Variants in NFIA observed in about 807,000 individuals in gnomAD.
NFIA encodes nuclear factor 1 A-type.
In NFIA, 8 loss-of-function variants were observed where a neutral mutation model predicts 62.8. The ratio of observed to expected loss-of-function variants is 0.13; its 90% CI spans 0.07 to 0.23. NFIA has a LOEUF of 0.23. Among genes scored for constraint, NFIA ranks in the 10% least tolerant of loss-of-function variants. NFIA has a pLI of 1.00. For synonymous variants in NFIA, 235 were observed against 238.1 expected (o/e 0.99, Z 0.12); for missense variants, 410 against 642.1 (o/e 0.64, Z 3.91).
intron 2 of NFIA, among the ~76,000 whole-genome samples, chr1:61,239,903 T>C (rs1015602392): frequency 1.3e-5 from 2 of 152,130 alleles, no homozygotes; most frequent in South Asian, 2.1e-4. Context: ...ATATCATTCA[T>C]GTCTTTCATT....
At chr1:61,210,336 GT>G (rs1421230629) in intron 2 of NFIA, among the ~76,000 whole-genome samples, 22 of 152,098 alleles carry the variant, frequency 1.4e-4, no homozygotes, top group African/African-American at 5.3e-4. Context: ...TGGTATTCCT[GT>G]TTTCAGAAAA....
rs1303184667 is a variant in NFIA at position 61,395,288 on chromosome 1, G to GT, written c.1076-8801dup. On this transcript the variant is annotated intron_variant, in intron 7 of 10. Coordinates refer to ENST00000403491, the MANE Select transcript of NFIA (RefSeq NM_001134673.4). ...CTGCTTATTTTCTGTGTGTGTGTGT[G>GT]TTTTTTTTTTTTTTTAATGCAGGAA... Among the ~76,000 whole-genome samples, 425 of 135,642 alleles carry GT rather than the reference G, an allele frequency of 3.1e-3. 1 individual carries two copies. Among genetic ancestry groups the GT allele is most frequent in the South Asian group, 0.01 (45 of 4,292 alleles). 89.0% of individuals were successfully genotyped at this position (135,642 alleles called of 152,430 possible). A position where few individuals can be genotyped will look rare whatever the true frequency, so the allele number is the denominator to read the frequency against.
chr1:61,276,358 T>A (rs1215581599), intron 2 of NFIA, among the ~76,000 whole-genome samples: 1 of 152,210 alleles, frequency 6.6e-6, no homozygotes, highest in Non-Finnish European at 1.5e-5. Flanking sequence ...ATAACTCAGT[T>A]GCTATAGAAG....
chr1:61,164,516 G>T (rs1377655466), intron 2 of NFIA, among the ~76,000 whole-genome samples: 1 of 152,054 alleles, frequency 6.6e-6, no homozygotes, highest in Non-Finnish European at 1.5e-5. Flanking sequence ...CTGGAGTGCA[G>T]TGGCGTGATC....
intron 2 of NFIA, among the ~76,000 whole-genome samples, chr1:61,126,462 A>ACT (rs1553153078): frequency 2.5e-3 from 361 of 145,924 alleles, no homozygotes; most frequent in African/African-American, 8.7e-3. Flanking sequence ...ACACACACAC[A>ACT]CACACACACA....
chr1:61,388,206 T>C (rs1375020783), intron 7 of NFIA, among the ~76,000 whole-genome samples: 2 of 152,314 alleles, frequency 1.3e-5, no homozygotes, highest in East Asian at 1.9e-4. Flanking sequence ...GGGGAAGATA[T>C]TAAATTTCAG....
intron 10 of NFIA, among the ~76,000 whole-genome samples, chr1:61,430,326 A>T (rs959572087): frequency 6.6e-6 from 1 of 152,244 alleles, no homozygotes; most frequent in Non-Finnish European, 1.5e-5. Context: ...TTTTCTTATT[A>T]TATTCATAAT....
upstream of NFIA, chr1:61,077,230 G>A (rs1272743885): frequency 2.7e-5 from 5 of 184,044 alleles, no homozygotes; most frequent in East Asian, 6.8e-4. Context: ...AGTTGGGAGA[G>A]GAGAGAGGGA....
intron 6 of NFIA, among the ~76,000 whole-genome samples, chr1:61,376,755 G>T (rs543679060): frequency 2.4e-4 from 36 of 152,126 alleles, no homozygotes; most frequent in African/African-American, 8.2e-4. Flanking sequence ...CTACATGAGG[G>T]TTTTATAAAA....
chr1:61,158,576 T>G (rs1417677424), intron 2 of NFIA, among the ~76,000 whole-genome samples: 2 of 152,244 alleles, frequency 1.3e-5, no homozygotes, highest in Non-Finnish European at 2.9e-5. Flanking sequence ...AAGTGCACTG[T>G]CTCAGTATTC....
Position 61,385,077 on chromosome 1 carries a change from C to CA in NFIA, c.1075+1721dup, listed in dbSNP as rs199594353. Among the ~76,000 whole-genome samples the CA allele has an allele frequency of 5.7e-3, 852 of 150,576 alleles. 4 individuals carry two copies. Among genetic ancestry groups the CA allele is most frequent in the African/African-American group, 0.02 (810 of 41,118 alleles). ...TGAAACCCCATCTCTACTAAAAATA[C>CA]AAAAAAAAATTAGCCAGGTGTGGTG... On this transcript the variant is annotated intron_variant, in intron 7 of 10. Transcript: ENST00000403491.
At chr1:61,453,527 C>T (rs1297292107) in intron 10 of NFIA, among the ~76,000 whole-genome samples, 4 of 139,826 alleles carry the variant, frequency 2.9e-5, no homozygotes, top group Non-Finnish European at 4.5e-5. Context: ...CCTGAGGTCT[C>T]GTCCAGAAAC....
intron 2 of NFIA, among the ~76,000 whole-genome samples, chr1:61,105,502 G>T (rs1307186902): frequency 2.6e-5 from 4 of 151,882 alleles, no homozygotes; most frequent in Non-Finnish European, 4.4e-5. Flanking sequence ...TGATGCTACA[G>T]AAATGAATTC....
intron 6 of NFIA, among the ~76,000 whole-genome samples, chr1:61,370,572 C>T (rs1663830500): frequency 6.6e-6 from 1 of 152,154 alleles, no homozygotes; most frequent in Non-Finnish European, 1.5e-5. Context: ...AGTAAAGTAT[C>T]ACTGACCTCC....
chr1:61,370,871 T>A (rs1663846703), intron 6 of NFIA, among the ~76,000 whole-genome samples: 1 of 152,182 alleles, frequency 6.6e-6, no homozygotes, highest in African/African-American at 2.4e-5. Flanking sequence ...GAGAGGTAGT[T>A]TAAAGTTTTC....
intron 2 of NFIA, among the ~76,000 whole-genome samples, chr1:61,264,806 G>C (rs1557670355): frequency 6.6e-6 from 1 of 152,164 alleles, no homozygotes; most frequent in East Asian, 1.9e-4. Context: ...TACTGAAATG[G>C]AAAATATTTT....
chr1:61,301,201 G>A (rs1659480278), intron 3 of NFIA, among the ~76,000 whole-genome samples: 1 of 152,102 alleles, frequency 6.6e-6, no homozygotes, highest in Non-Finnish European at 1.5e-5. Context: ...CAAGTAGATA[G>A]ACTAAAGGAT....
At chr1:61,150,599 GAC>G (rs1648331271) in intron 2 of NFIA, among the ~76,000 whole-genome samples, 1 of 152,148 alleles carries the variant, frequency 6.6e-6, no homozygotes, top group Non-Finnish European at 1.5e-5. Flanking sequence ...AACTGCTTAC[GAC>G]ACTGGACTTC....
intron 2 of NFIA, among the ~76,000 whole-genome samples, chr1:61,230,517 A>G (rs1283883788): frequency 1.3e-5 from 2 of 152,056 alleles, no homozygotes; most frequent in South Asian, 2.1e-4. Context: ...ATCCTACCCT[A>G]TGTTTCCTTC....
Sources: allele counts gnomAD v4.1 joint callset (sites outside exome capture counted in the v4.1 genomes callset), GRCh38; gene constraint gnomAD v4.1.1; transcripts MANE v1.5; gene names NCBI Gene and HGNC (gene_info 2026-07-23, HGNC 2026-07-21).